BTBD8: variants seen among roughly 807,000 people sequenced by gnomAD.
BTBD8 encodes the protein BTB/POZ domain-containing protein 8.
Under a neutral mutation model 162.9 loss-of-function variants are expected in BTBD8, and 110 were observed. That is an observed-to-expected ratio of 0.68 (90% CI 0.58 to 0.79). BTBD8 has a LOEUF of 0.79. Among genes scored for constraint, BTBD8 ranks in the 30% least tolerant of loss-of-function variants. The pLI is 0.00. For missense variants in BTBD8, 1,905 were observed against 2,085.4 expected, an observed-to-expected ratio of 0.91 and a Z score of 1.68; for synonymous variants, 667 against 716.1, an observed-to-expected ratio of 0.93 and a Z score of 1.10.
chr1:92,163,007 T>C (rs917502331), intron 9 of BTBD8, among the ~76,000 whole-genome samples: 3 of 151,696 alleles, frequency 2.0e-5, no homozygotes, highest in Non-Finnish European at 4.4e-5. Context: ...TTAAAACAAA[T>C]ATATATATAT....
chr1:92,119,758 C>T (rs1649143686), intron 4 of BTBD8, among the ~76,000 whole-genome samples: 1 of 151,638 alleles, frequency 6.6e-6, no homozygotes, highest in Admixed American at 6.6e-5. Context: ...TCCCGAGTAG[C>T]TGGGACTACA....
At chr1:92,108,295 A>G (rs1648795922) in intron 4 of BTBD8, among the ~76,000 whole-genome samples, 1 of 152,268 alleles carries the variant, frequency 6.6e-6, no homozygotes, top group Middle Eastern at 3.2e-3. Flanking sequence ...TGCATTGGGC[A>G]TGAACCTAAG....
intron 4 of BTBD8, among the ~76,000 whole-genome samples, chr1:92,109,926 T>TA (rs1182337986): frequency 1.3e-5 from 2 of 152,246 alleles, no homozygotes; most frequent in Non-Finnish European, 2.9e-5. Context: ...TACAAGTACT[T>TA]ACAAAGGACC....
chr1:92,117,225 CT>C (rs1406523765), intron 4 of BTBD8, among the ~76,000 whole-genome samples: 1 of 151,908 alleles, frequency 6.6e-6, no homozygotes, highest in Non-Finnish European at 1.5e-5. Flanking sequence ...TTTTTTCCCT[CT>C]TTTAATGTTC....
At chr1:92,106,985 G>C (rs1648747204) in intron 3 of BTBD8, among the ~76,000 whole-genome samples, 1 of 151,884 alleles carries the variant, frequency 6.6e-6, no homozygotes, top group Non-Finnish European at 1.5e-5. Context: ...AGGGTGGGAG[G>C]ATTGGATTGC....
At chr1:92,103,546 G>A (rs538498089) in intron 3 of BTBD8, among the ~76,000 whole-genome samples, 1 of 152,320 alleles carries the variant, frequency 6.6e-6, no homozygotes, top group African/African-American at 2.4e-5. Context: ...AGGCACTGCA[G>A]TGAGGGCCTG....
intron 6 of BTBD8, among the ~76,000 whole-genome samples, chr1:92,140,220 G>A (rs1045309313): frequency 1.3e-5 from 2 of 151,240 alleles, no homozygotes; most frequent in African/African-American, 4.9e-5. Flanking sequence ...CCAGTAGATC[G>A]AGATCTGCCT....
At chr1:92,151,667 A>G (rs1415476955) in intron 9 of BTBD8, among the ~76,000 whole-genome samples, 1 of 152,148 alleles carries the variant, frequency 6.6e-6, no homozygotes, top group East Asian at 1.9e-4. Flanking sequence ...ACTGCACCCA[A>G]TATATAGTCT....
In BTBD8 at chr1:92,118,286, T is replaced by C. The variant is rs555813894; in HGVS notation, c.662+10285T>C. Among the ~76,000 whole-genome samples, 29 of 22,120 alleles carry C rather than the reference T, an allele frequency of 1.3e-3. 1 individual carries two copies. The South Asian group carries it at 0.071, about 54-fold the overall frequency. The allele number at this position is 22,120 out of a possible 152,430, so 14.5% of individuals were successfully genotyped here. On this transcript the variant is annotated intron_variant, in intron 4 of 17. Coordinates refer to ENST00000636805, the MANE Select transcript of BTBD8 (RefSeq NM_001376131.1). ...TGTAACAGTTTTTCAGACTTTCTTT[T>C]TTTTTTTTTTTTTTTTGATGACATT...
chr1:92,132,284 T>G (rs963510082), intron 5 of BTBD8, among the ~76,000 whole-genome samples: 15 of 151,962 alleles, frequency 9.9e-5, no homozygotes, highest in Non-Finnish European at 1.8e-4. Flanking sequence ...ACCTCTGAGT[T>G]TAGCTATATG....
intron 13 of BTBD8, among the ~76,000 whole-genome samples, chr1:92,171,967 T>G (rs1366991754): frequency 6.6e-6 from 1 of 152,108 alleles, no homozygotes; most frequent in Non-Finnish European, 1.5e-5. Flanking sequence ...GGTGCACACC[T>G]GTAATCCCAG....
At chr1:92,135,845 T>G (rs1649620651) in intron 5 of BTBD8, among the ~76,000 whole-genome samples, 1 of 152,212 alleles carries the variant, frequency 6.6e-6, no homozygotes, top group Admixed American at 6.5e-5. Flanking sequence ...AAGTATTTTT[T>G]AAGAAACTAT....
intron 1 of BTBD8, 24 bp from the exon 2 acceptor site, chr1:92,088,674 A>G (rs748995632): frequency 8.7e-6 from 13 of 1,499,754 alleles, no homozygotes; most frequent in Middle Eastern, 1.8e-4. Context: ...TAATTAAACT[A>G]TGATTCCTTT....
In BTBD8 at chr1:92,080,543, G is replaced by T. The variant is rs1203512063; in HGVS notation, c.-29G>T. 1.9e-6 allele frequency: 3 copies of T among 1,611,184 alleles called. No homozygotes were observed. The highest frequency in any genetic ancestry group is 2.7e-5 in the African/African-American group (2 of 74,744). On this transcript the variant is annotated 5_prime_UTR_variant, in exon 1 of 18. Coordinates refer to ENST00000636805, the MANE Select transcript of BTBD8 (RefSeq NM_001376131.1). Reference sequence around the variant, plus strand: ...CGGGGCAAGTGAGGCCAAGTACTGGGCCTCCAGGGCGTCGTACCTCTGTGA... The same window carrying T: ...CGGGGCAAGTGAGGCCAAGTACTGGTCCTCCAGGGCGTCGTACCTCTGTGA...
chr1:92,137,120 T>A (rs1359473160), intron 5 of BTBD8, among the ~76,000 whole-genome samples: 1 of 152,128 alleles, frequency 6.6e-6, no homozygotes, highest in African/African-American at 2.4e-5. Flanking sequence ...AATGAGTAAG[T>A]TTAGTTATCT....
intron 5 of BTBD8, among the ~76,000 whole-genome samples, chr1:92,132,001 G>C (rs10783109): frequency 0.63 from 96,112 of 151,996 alleles, 30,877 homozygotes; most frequent in East Asian, 0.97. Context: ...TTAGCCACCG[G>C]ACCCAGCTTA....
intron 2 of BTBD8, among the ~76,000 whole-genome samples, chr1:92,097,642 GC>G (rs1406845945): frequency 2.0e-5 from 3 of 152,108 alleles, no homozygotes; most frequent in African/African-American, 7.2e-5. Flanking sequence ...TCAATATATG[GC>G]CTTTTACGTG....
At position 92,166,718 on chromosome 1, in the gene BTBD8, C is replaced by A. The variant is rs1650396152; in HGVS notation, c.1123-240C>A. Among the ~76,000 whole-genome samples the A allele has an allele frequency of 2.0e-5, 3 of 152,072 alleles. No individual in the cohort carries two copies. The South Asian group carries it at 6.2e-4, about 32-fold the overall frequency. On this transcript the variant is annotated intron_variant, in intron 9 of 17. Transcript: ENST00000636805. ...GGGATTATAGGAATGAGCCACTGTACCCCACCTCTTTTAGCTACCTTTTAA... is the reference window on the plus strand; with the variant it reads ...GGGATTATAGGAATGAGCCACTGTAACCCACCTCTTTTAGCTACCTTTTAA...
chr1:92,109,252 CTTT>C (rs77374096), intron 4 of BTBD8, among the ~76,000 whole-genome samples: 6 of 123,940 alleles, frequency 4.8e-5, no homozygotes, highest in Admixed American at 2.4e-4. Flanking sequence ...GTCTTGTTTT[CTTT>C]TTTTTTTTTT....
Sources: allele counts gnomAD v4.1 joint callset (sites outside exome capture counted in the v4.1 genomes callset), GRCh38; gene constraint gnomAD v4.1.1; transcripts MANE v1.5; gene names NCBI Gene and HGNC (gene_info 2026-07-23, HGNC 2026-07-21).